Variants in ZBTB20 observed in about 807,000 individuals in gnomAD.
The protein encoded by ZBTB20 is zinc finger and BTB domain containing 20.
A neutral mutation model predicts 56.9 loss-of-function variants in ZBTB20; 9 were observed. That is an observed-to-expected ratio of 0.16 (90% CI 0.10 to 0.28). The LOEUF (loss-of-function observed/expected upper bound fraction) is 0.28. Ranked by LOEUF, ZBTB20 falls within the 10% of genes least tolerant of loss-of-function variation. The pLI is 1.00. For missense variants in ZBTB20, 655 were observed against 1,003.0 expected (o/e 0.65, Z 4.69); for synonymous variants, 417 against 420.7 (o/e 0.99, Z 0.11).
chr3:114,953,102 T>C (rs1000002469), intron 3 of ZBTB20, among the ~76,000 whole-genome samples: 9 of 152,074 alleles, frequency 5.9e-5, no homozygotes, highest in East Asian at 1.9e-4. Flanking sequence ...AAAGGACTTA[T>C]ATGGTTGTAA....
chr3:115,120,057 T>A (rs1447813719), intron 1 of ZBTB20, among the ~76,000 whole-genome samples: 1 of 152,018 alleles, frequency 6.6e-6, no homozygotes, highest in African/African-American at 2.4e-5. Context: ...GGACAGATAA[T>A]TTTTAAGGCA....
At chr3:114,631,398 T>TTTC (rs1226083760) in intron 6 of ZBTB20, among the ~76,000 whole-genome samples, 1 of 120,026 alleles carries the variant, frequency 8.3e-6, no homozygotes, top group African/African-American at 3.1e-5. Context: ...TTTTTTTTTT[T>TTTC]TTTTTTTTTT....
At chr3:114,777,565 G>C (rs1309025738) in intron 5 of ZBTB20, among the ~76,000 whole-genome samples, 1 of 152,138 alleles carries the variant, frequency 6.6e-6, no homozygotes, top group Non-Finnish European at 1.5e-5. Context: ...ACACCAGTTA[G>C]AATGGCGATC....
At chr3:114,646,157 A>G (rs535064575) in intron 6 of ZBTB20, among the ~76,000 whole-genome samples, 41 of 151,538 alleles carry the variant, frequency 2.7e-4, no homozygotes, top group Admixed American at 5.3e-4. Flanking sequence ...AAGAAGCGTT[A>G]TGTGAAAAGC....
At chr3:114,684,806 G>C (rs997152696) in intron 6 of ZBTB20, among the ~76,000 whole-genome samples, 1 of 152,070 alleles carries the variant, frequency 6.6e-6, no homozygotes, top group African/African-American at 2.4e-5. Flanking sequence ...CACAAATGGG[G>C]AGGTGGTAGG....
In ZBTB20 at chr3:114,401,752, T is replaced by A. The variant is rs1015212878; in HGVS notation, c.-254-12647A>T. Among the ~76,000 whole-genome samples, 9 of 150,712 alleles carry A rather than the reference T, an allele frequency of 6.0e-5. No homozygotes were observed. The East Asian group carries it at 1.7e-3, about 29-fold the overall frequency. ...CTACCCATTAAGGTGGCTACTGAAA[T>A]AAAAAAAAATAATAGGAGAGGCTGA... On this transcript the variant is annotated intron_variant, in intron 7 of 11. Coordinates refer to ENST00000675478, the MANE Select transcript of ZBTB20 (RefSeq NM_001348800.3).
At chr3:114,852,450 G>C (rs2107426172) in intron 4 of ZBTB20, among the ~76,000 whole-genome samples, 1 of 151,852 alleles carries the variant, frequency 6.6e-6, no homozygotes. Context: ...TTTTAGTAGA[G>C]AGGGGGTTTC....
At chr3:114,859,574 T>G (rs942767010) in intron 4 of ZBTB20, among the ~76,000 whole-genome samples, 1 of 8,438 alleles carries the variant, frequency 1.2e-4, no homozygotes, top group African/African-American at 1.3e-4. Context: ...CTTATGGCGT[T>G]TTTTTTTTTT....
At chr3:114,750,386 C>T (rs979302338) in intron 5 of ZBTB20, among the ~76,000 whole-genome samples, 1 of 152,060 alleles carries the variant, frequency 6.6e-6, no homozygotes, top group Non-Finnish European at 1.5e-5. Flanking sequence ...AAAAAAGATT[C>T]AAAATCTGAC....
intron 5 of ZBTB20, among the ~76,000 whole-genome samples, chr3:114,706,087 A>AAGAG (rs149647100): frequency 2.0e-5 from 3 of 150,430 alleles, no homozygotes; most frequent in Admixed American, 6.6e-5. Context: ...GATGTAGAGA[A>AAGAG]AGAGAGAGAG....
At chr3:115,107,417 CA>C (rs59267707) in intron 1 of ZBTB20, among the ~76,000 whole-genome samples, 25,855 of 112,660 alleles carry the variant, frequency 0.23, 3,333 homozygotes, top group African/African-American at 0.44. Flanking sequence ...GAGACTGTGT[CA>C]AAAAAAAAAA....
intron 3 of ZBTB20, among the ~76,000 whole-genome samples, chr3:114,929,375 A>T (rs2076274561): frequency 6.6e-6 from 1 of 152,218 alleles, no homozygotes; most frequent in Non-Finnish European, 1.5e-5. Context: ...GCCAGGACCC[A>T]AGGGTGATTC....
Position 114,339,549 on chromosome 3 carries a change from AT to A in ZBTB20, c.1805-124del. The A allele has an allele frequency of 6.0e-6, 7 of 1,174,444 alleles. No homozygotes were observed. The highest frequency in any genetic ancestry group is 8.1e-6 in the Non-Finnish European group (7 of 862,504). The allele number at this position is 1,174,444 out of a possible 1,614,324, so 72.8% of individuals were successfully genotyped here. A position where few individuals can be genotyped will look rare whatever the true frequency, so the allele number is the denominator to read the frequency against. On this transcript the variant is annotated intron_variant, in intron 11 of 11. Coordinates refer to ENST00000675478, the MANE Select transcript of ZBTB20 (RefSeq NM_001348800.3). This position sits in a 1 kb window ranked among gnomAD's most constrained non-coding sequence, Gnocchi z 4.2. ...TAAAACAATTAAAAAATAAAATTTGATTGCTTAATGGATCATCCTCGTTTGG... is the reference window on the plus strand; with the variant it reads ...TAAAACAATTAAAAAATAAAATTTGATGCTTAATGGATCATCCTCGTTTGG...
Position 114,316,752 on chromosome 3 carries a change from A to G in ZBTB20, c.*22253T>C. ...ACATTTTTGATGAGAAAAATCTGAC[A>G]GTTCTCAGCCCCAAGCAAGAGAAAC... On this transcript the variant is annotated 3_prime_UTR_variant, in exon 12 of 12. Transcript: ENST00000675478. The G allele has an allele frequency of 5.6e-6, 2 of 359,184 alleles. No individual in the cohort carries two copies. Among genetic ancestry groups the G allele is most frequent in the Admixed American group, 3.7e-5 (1 of 27,370 alleles). The allele number at this position is 359,184 out of a possible 1,614,324, so 22.2% of individuals were successfully genotyped here. A position where few individuals can be genotyped will look rare whatever the true frequency, so the allele number is the denominator to read the frequency against.
At chr3:114,430,978 G>T (rs182108167) in intron 7 of ZBTB20, among the ~76,000 whole-genome samples, 23 of 152,296 alleles carry the variant, frequency 1.5e-4, no homozygotes, top group Non-Finnish European at 1.5e-5. Flanking sequence ...GTGGGGAAAG[G>T]TTGTTTAAAT....
intron 4 of ZBTB20, among the ~76,000 whole-genome samples, chr3:114,871,803 T>A (rs1380393341): frequency 2.0e-5 from 3 of 152,134 alleles, no homozygotes; most frequent in Non-Finnish European, 4.4e-5. Context: ...ATCATCTTAT[T>A]GCAACACCAC....
chr3:114,415,421 G>A (rs2722012), intron 7 of ZBTB20, among the ~76,000 whole-genome samples: 44,504 of 151,934 alleles, frequency 0.29, 8,279 homozygotes, highest in African/African-American at 0.52. Flanking sequence ...TGATGTGTTG[G>A]GTGGTACAAA....
intron 7 of ZBTB20, among the ~76,000 whole-genome samples, chr3:114,499,511 G>A (rs976068847): frequency 2.0e-5 from 3 of 152,192 alleles, no homozygotes; most frequent in Non-Finnish European, 4.4e-5. Context: ...AGAGTGAGAA[G>A]CAGCCAGAGG....
At chr3:115,014,149 A>G (rs2079843037) in intron 2 of ZBTB20, among the ~76,000 whole-genome samples, 1 of 151,756 alleles carries the variant, frequency 6.6e-6, no homozygotes, top group Non-Finnish European at 1.5e-5. Flanking sequence ...GTTAAGTGAA[A>G]TAAGCTAGGC....
Sources: allele counts gnomAD v4.1 joint callset (sites outside exome capture counted in the v4.1 genomes callset), GRCh38; gene constraint gnomAD v4.1.1; non-coding constraint Gnocchi (gnomAD v3.1); transcripts MANE v1.5; gene names NCBI Gene and HGNC (gene_info 2026-07-23, HGNC 2026-07-21).